The following PTPRK variants were observed in gnomAD, a reference collection of about 807,000 sequenced individuals.
The protein encoded by PTPRK is receptor-type tyrosine-protein phosphatase kappa.
Under a neutral mutation model 178.0 loss-of-function variants are expected in PTPRK, and 75 were observed. The observed-to-expected ratio is 0.42, with a 90% confidence interval of 0.35 to 0.51. The LOEUF (loss-of-function observed/expected upper bound fraction) is 0.51. PTPRK is among the 20% of genes least tolerant of loss of function. The probability of loss-of-function intolerance (pLI) is 0.02; values close to 1 mark genes in which losing one functional copy is unlikely to be tolerated. For synonymous variants in PTPRK, 637 were observed against 620.6 expected, an observed-to-expected ratio of 1.03 and a Z score of -0.39; for missense variants, 1,441 against 1,797.8, an observed-to-expected ratio of 0.80 and a Z score of 3.59.
intron 20 of PTPRK, 26 bp from the exon 21 acceptor site, chr6:127,990,911 C>T: frequency 3.7e-6 from 5 of 1,360,770 alleles, no homozygotes; most frequent in Non-Finnish European, 5.3e-6. Context: ...AATATATAGA[C>T]AGACCTGAAT....
At chr6:128,234,710 C>A (rs1435036818) in intron 5 of PTPRK, among the ~76,000 whole-genome samples, 1 of 151,726 alleles carries the variant, frequency 6.6e-6, no homozygotes, top group Non-Finnish European at 1.5e-5. Flanking sequence ...CACAAATTGT[C>A]TATCTATTAT....
chr6:128,256,797 G>C (rs903704513), intron 3 of PTPRK, among the ~76,000 whole-genome samples: 1 of 152,034 alleles, frequency 6.6e-6, no homozygotes, highest in African/African-American at 2.4e-5. Flanking sequence ...ATGATTCCAA[G>C]CAGTTTTAAA....
intron 1 of PTPRK, chr6:128,518,843 C>A (rs1485578869): frequency 2.7e-6 from 1 of 365,676 alleles, no homozygotes; most frequent in Non-Finnish European, 5.4e-6. Context: ...CATGCTGCCA[C>A]CTGAATCTGT....
chr6:128,075,375 CCT>C (rs5879876), intron 11 of PTPRK, among the ~76,000 whole-genome samples: 102,341 of 151,564 alleles, frequency 0.68, 36,663 homozygotes, highest in South Asian at 0.96. Flanking sequence ...CCCTTTGCTC[CCT>C]GTTTTGTCTC....
chr6:128,382,752 T>C (rs1838129287), intron 2 of PTPRK, among the ~76,000 whole-genome samples: 1 of 152,098 alleles, frequency 6.6e-6, no homozygotes, highest in Non-Finnish European at 1.5e-5. Context: ...AAATTATAAA[T>C]TGTTTTTATT....
intron 2 of PTPRK, among the ~76,000 whole-genome samples, chr6:128,364,928 T>C (rs533362822): frequency 1.3e-5 from 2 of 152,206 alleles, no homozygotes; most frequent in African/African-American, 4.8e-5. Context: ...AGTGCTGCTA[T>C]AAACAGTGCT....
At chr6:128,368,669 G>T (rs958907930) in intron 2 of PTPRK, among the ~76,000 whole-genome samples, 2 of 152,072 alleles carry the variant, frequency 1.3e-5, no homozygotes, top group Non-Finnish European at 2.9e-5. Flanking sequence ...AGAGTGAGGG[G>T]TGAGCCATGA....
chr6:128,262,406 C>T (rs1303500784), intron 3 of PTPRK, among the ~76,000 whole-genome samples: 1 of 152,074 alleles, frequency 6.6e-6, no homozygotes, highest in Non-Finnish European at 1.5e-5. Flanking sequence ...TATCTGTTAT[C>T]TTATCCTAAA....
At chr6:127,982,042 GT>G (rs1327435815) in intron 24 of PTPRK, among the ~76,000 whole-genome samples, 1 of 151,954 alleles carries the variant, frequency 6.6e-6, no homozygotes, top group Non-Finnish European at 1.5e-5. Context: ...GTTTTGCCAT[GT>G]TGGCCAGGCT....
intron 3 of PTPRK, among the ~76,000 whole-genome samples, chr6:128,287,404 C>T (rs1475498381): frequency 6.6e-6 from 1 of 152,186 alleles, no homozygotes; most frequent in Non-Finnish European, 1.5e-5. Context: ...ATGTATTCCA[C>T]ATTTTCATGA....
intron 1 of PTPRK, among the ~76,000 whole-genome samples, chr6:128,489,237 T>C (rs9491966): frequency 0.084 from 12,760 of 152,240 alleles, 697 homozygotes; most frequent in African/African-American, 0.15. Flanking sequence ...AAATATTTTA[T>C]TTTGAATAAG....
chr6:128,472,175 C>T (rs1024349806), intron 1 of PTPRK, among the ~76,000 whole-genome samples: 1 of 152,062 alleles, frequency 6.6e-6, no homozygotes, highest in Non-Finnish European at 1.5e-5. Flanking sequence ...TTCTGCTGAG[C>T]TTTTGCTTCT....
intron 3 of PTPRK, among the ~76,000 whole-genome samples, chr6:128,311,087 T>A (rs1035351206): frequency 9.2e-5 from 14 of 152,158 alleles, no homozygotes; most frequent in Admixed American, 3.3e-4. Flanking sequence ...TTGAATAGAC[T>A]TTTAAAAAAT....
chr6:128,407,633 CAAAAAAA>C (rs56189580), intron 1 of PTPRK, among the ~76,000 whole-genome samples: 42 of 97,794 alleles, frequency 4.3e-4, no homozygotes, highest in Non-Finnish European at 6.8e-4. Flanking sequence ...AAGACCCTAT[CAAAAAAA>C]AAAAAAAAAA....
intron 7 of PTPRK, among the ~76,000 whole-genome samples, chr6:128,159,488 C>A (rs531765893): frequency 2.0e-5 from 3 of 151,896 alleles, no homozygotes; most frequent in African/African-American, 7.2e-5. Context: ...GAATATGTTC[C>A]ATTACCACAG....
intron 2 of PTPRK, among the ~76,000 whole-genome samples, chr6:128,379,140 G>C (rs1837516510): frequency 6.6e-6 from 1 of 151,840 alleles, no homozygotes; most frequent in Non-Finnish European, 1.5e-5. Flanking sequence ...GTTCTTTTTG[G>C]AAACTGGTGA....
At chr6:128,226,749 T>C (rs60264538) in intron 5 of PTPRK, among the ~76,000 whole-genome samples, 7,951 of 128,220 alleles carry the variant, frequency 0.062, 667 homozygotes, top group African/African-American at 0.19. Context: ...TGTAATCTTA[T>C]AATTATATAG....
At chr6:128,132,866 AT>A (rs925458611) in intron 7 of PTPRK, among the ~76,000 whole-genome samples, 5 of 152,104 alleles carry the variant, frequency 3.3e-5, no homozygotes, top group Non-Finnish European at 4.4e-5. Flanking sequence ...AATTGTCCTG[AT>A]TTTTTTCCAT....
intron 13 of PTPRK, among the ~76,000 whole-genome samples, chr6:128,052,130 TA>T (rs1779115770): frequency 6.6e-6 from 1 of 152,212 alleles, no homozygotes; most frequent in Admixed American, 6.5e-5. Context: ...AATTCACTTA[TA>T]TGTTGGAAAA....
Sources: allele counts gnomAD v4.1 joint callset (sites outside exome capture counted in the v4.1 genomes callset), GRCh38; gene constraint gnomAD v4.1.1; transcripts MANE v1.5; gene names NCBI Gene and HGNC (gene_info 2026-07-23, HGNC 2026-07-21).